AMZ1: variants seen among roughly 807,000 people sequenced by gnomAD.
AMZ1 encodes archaelysin family metallopeptidase 1, also known as archaemetzincin-1.
In AMZ1, 39 loss-of-function variants were observed where a neutral mutation model predicts 29.9. The observed-to-expected ratio is 1.30, with a 90% CI of 1.01 to 1.70. The LOEUF (loss-of-function observed/expected upper bound fraction) is 1.70. Among genes scored for constraint, AMZ1 ranks in the 40% most tolerant of loss-of-function variants. AMZ1 has a pLI of 0.00. For synonymous variants in AMZ1, 458 were observed against 304.0 expected (o/e 1.51, Z -5.27); for missense variants, 1,041 against 680.6 (o/e 1.53, Z -5.89).
intron 3 of AMZ1, among the ~76,000 whole-genome samples, chr7:2,707,359 AAC>A (rs2115147164): frequency 6.6e-6 from 1 of 151,822 alleles, no homozygotes; most frequent in Admixed American, 6.6e-5. Context: ...CTCCTTGGAA[AAC>A]ACTTCTCCGG....
intron 1 of AMZ1, among the ~76,000 whole-genome samples, chr7:2,691,056 G>A (rs7456875): frequency 7.0e-6 from 1 of 143,434 alleles, no homozygotes; most frequent in Non-Finnish European, 1.5e-5. Context: ...CATGAGAATC[G>A]CTTGAACCCT....
intron 2 of AMZ1, among the ~76,000 whole-genome samples, chr7:2,701,362 C>A (rs111527542): frequency 3.3e-5 from 5 of 152,118 alleles, no homozygotes; most frequent in African/African-American, 9.7e-5. Flanking sequence ...AGGGACGGGA[C>A]TGGAACGCAG....
At chr7:2,763,154 G>A (rs1791649063), upstream of AMZ1, 2 of 1,178,102 alleles carry the variant, frequency 1.7e-6, no homozygotes, top group South Asian at 8.1e-5. Context: ...CGAATATTCT[G>A]CTGACAAGAG....
rs760105309 is a variant in AMZ1 at position 2,702,869 on chromosome 7, A to C, written c.452A>C (p.Asp151Ala). 6.9e-6 allele frequency: 11 copies of C among 1,587,974 alleles called. No homozygotes were observed. In the South Asian group the frequency reaches 9.1e-5, roughly 13 times the overall value. Residue 151 changes from aspartate to alanine, a missense_variant, in exon 3 of 7, where the codon GAC becomes GCC. Physicochemically the swap from Asp to Ala is moderately radical, Grantham distance 126. Transcript: ENST00000683327. ...TCCTCGCGGCCCAGCCGGGACTCTG[A>C]CAGGCTCCAGCTCCACACAGGTGAG... ...RCSSRPSRDS[D>A]RLQLHTDGIL...
chr7:2,710,300 A>C (rs1788689294), intron 6 of AMZ1, among the ~76,000 whole-genome samples: 1 of 152,256 alleles, frequency 6.6e-6, no homozygotes, highest in Non-Finnish European at 1.5e-5. Flanking sequence ...GTTGCCGAGC[A>C]AAGGGCTCGT....
At chr7:2,681,656 G>T (rs1364400825) in intron 1 of AMZ1, among the ~76,000 whole-genome samples, 2 of 152,190 alleles carry the variant, frequency 1.3e-5, no homozygotes, top group African/African-American at 2.4e-5. Flanking sequence ...ACAGGGACAG[G>T]TGGTGCAGGG....
upstream of AMZ1, chr7:2,762,246 A>C (rs573555701): frequency 1.0e-4 from 21 of 201,918 alleles, no homozygotes; most frequent in African/African-American, 2.3e-4. Context: ...CTGCTAGGAA[A>C]CACCACCCTG....
At chr7:2,737,252 AGCT>A in intron 4 of AMZ1, among the ~76,000 whole-genome samples, 1 of 131,726 alleles carries the variant, frequency 7.6e-6, no homozygotes, top group Admixed American at 8.1e-5. Flanking sequence ...CCCATTCAGG[AGCT>A]ATCTCACAGT....
intron 5 of AMZ1, 106 bp downstream of exon 5, chr7:2,709,350 AC>A (rs1186736895): frequency 4.2e-6 from 5 of 1,204,704 alleles, no homozygotes; most frequent in African/African-American, 1.5e-5. Flanking sequence ...AAGTGGATGG[AC>A]CCCTAACTCT....
chr7:2,698,285 C>T (rs1480937754), intron 1 of AMZ1, among the ~76,000 whole-genome samples: 1 of 152,182 alleles, frequency 6.6e-6, no homozygotes, highest in Non-Finnish European at 1.5e-5. Context: ...TGCCTGTAAT[C>T]CCAGCACTTT....
chr7:2,763,257 A>G (rs1791659810), upstream of AMZ1: 1 of 344,678 alleles, frequency 2.9e-6, no homozygotes, highest in Non-Finnish European at 4.2e-6. Flanking sequence ...CAGAAAACAC[A>G]TTTGCCTTCC....
At chr7:2,691,474 G>T (rs904626893) in intron 1 of AMZ1, among the ~76,000 whole-genome samples, 2 of 148,876 alleles carry the variant, frequency 1.3e-5, no homozygotes, top group African/African-American at 2.6e-5. Flanking sequence ...CGGGCGCGGT[G>T]GCTCACACAT....
chr7:2,708,809 C>T (rs1583172613), intron 4 of AMZ1, 93 bp downstream of exon 4: 2 of 1,575,138 alleles, frequency 1.3e-6, no homozygotes, highest in Admixed American at 1.7e-5. Flanking sequence ...GCTTTTGCTT[C>T]AAGCACCCTC....
At chr7:2,688,381 G>C (rs1412018418) in intron 1 of AMZ1, 85 bp downstream of exon 1, 2 of 151,806 alleles carry the variant, frequency 1.3e-5, no homozygotes, top group African/African-American at 4.8e-5. Context: ...GGCAGCTCCG[G>C]GTCCAGCCCG....
intron 1 of AMZ1, among the ~76,000 whole-genome samples, chr7:2,695,100 A>C (rs973345830): frequency 6.6e-6 from 1 of 152,270 alleles, no homozygotes; most frequent in East Asian, 1.9e-4. Flanking sequence ...GTCTGTCCTC[A>C]CGGCTCCTCC....
intron 3 of AMZ1, among the ~76,000 whole-genome samples, chr7:2,708,082 C>T (rs7788903): frequency 0.13 from 20,170 of 151,946 alleles, 4,251 homozygotes; most frequent in African/African-American, 0.45. Flanking sequence ...CTTGGCCTCC[C>T]GAGTTGCTGG....
intron 4 of AMZ1, among the ~76,000 whole-genome samples, chr7:2,735,072 C>T (rs765556792): frequency 3.9e-5 from 6 of 152,026 alleles, no homozygotes; most frequent in Non-Finnish European, 7.4e-5. Context: ...TCCTTCCACA[C>T]CCTGACAGGA....
chr7:2,746,828 A>G (rs1187487172), intron 4 of AMZ1, among the ~76,000 whole-genome samples: 1 of 152,198 alleles, frequency 6.6e-6, no homozygotes, highest in African/African-American at 2.4e-5. Context: ...AAAAAATGAT[A>G]AAGGGGATAT....
upstream of AMZ1, among the ~76,000 whole-genome samples, chr7:2,683,697 C>T (rs1489559876): frequency 6.6e-6 from 1 of 152,106 alleles, no homozygotes; most frequent in Non-Finnish European, 1.5e-5. Flanking sequence ...CTTGGCCTCC[C>T]AAAGTGCTGG....
Sources: allele counts gnomAD v4.1 joint callset (sites outside exome capture counted in the v4.1 genomes callset), GRCh38; gene constraint gnomAD v4.1.1; transcripts MANE v1.5; gene names NCBI Gene and HGNC (gene_info 2026-07-23, HGNC 2026-07-21).